Variants in PPP2R5C observed in about 807,000 individuals in gnomAD.
The protein encoded by PPP2R5C is protein phosphatase 2 regulatory subunit B'gamma.
Under a neutral mutation model 68.9 loss-of-function variants are expected in PPP2R5C, and 7 were observed. That is an observed-to-expected ratio of 0.10 (90% CI 0.06 to 0.19). The LOEUF (loss-of-function observed/expected upper bound fraction) is 0.19. PPP2R5C is among the 10% of genes least tolerant of loss of function. The probability of loss-of-function intolerance (pLI) is 1.00; values close to 1 mark genes in which losing one functional copy is unlikely to be tolerated. For synonymous variants in PPP2R5C, 210 were observed against 222.2 expected (o/e 0.95, Z 0.49); for missense variants, 348 against 641.3 (o/e 0.54, Z 4.94).
At chr14:101,824,301 C>G in intron 1 of PPP2R5C, 1 of 751,768 alleles carries the variant, frequency 1.3e-6, no homozygotes, top group South Asian at 1.9e-5. Context: ...GAGAGGTATT[C>G]ATCTGAAAAC....
intron 9 of PPP2R5C, among the ~76,000 whole-genome samples, chr14:101,905,411 C>T (rs996050548): frequency 1.3e-5 from 2 of 152,000 alleles, no homozygotes; most frequent in African/African-American, 2.4e-5. Flanking sequence ...GTAATCCCAG[C>T]ACTTTGGAAG....
chr14:101,842,019 T>A (rs1361939418), intron 1 of PPP2R5C, among the ~76,000 whole-genome samples: 1 of 152,086 alleles, frequency 6.6e-6, no homozygotes, highest in Non-Finnish European at 1.5e-5. Context: ...TCGTTATACC[T>A]GCAGGTTCCC....
rs34641396 is a variant in PPP2R5C, at chr14:101,919,969, CAAAAAAAAA to C, written c.1443+2037_1443+2045del. ...GGGCAAGAAAAGCAAAACTCCGTCTCAAAAAAAAAAAAAAAAAAAAAAACCAATTCTTAC... is the reference window on the plus strand; with the variant it reads ...GGGCAAGAAAAGCAAAACTCCGTCTCAAAAAAAAAAAAAACCAATTCTTAC... On this transcript the variant is annotated intron_variant, in intron 13 of 13. Coordinates refer to ENST00000334743, the Ensembl canonical transcript of PPP2R5C. Among the ~76,000 whole-genome samples the C allele has an allele frequency of 4.3e-3, 230 of 52,890 alleles. 4 individuals carry two copies. Among genetic ancestry groups the C allele is most frequent in the African/African-American group, 0.02 (223 of 11,182 alleles). The allele number at this position is 52,890 out of a possible 152,430, so 34.7% of individuals were successfully genotyped here.
At chr14:101,785,715 A>G (rs978781926) in intron 2 of PPP2R5C, among the ~76,000 whole-genome samples, 2 of 152,226 alleles carry the variant, frequency 1.3e-5, no homozygotes, top group Admixed American at 6.5e-5. Flanking sequence ...TCCAGGAATT[A>G]GGATGTGGAC....
intron 2 of PPP2R5C, among the ~76,000 whole-genome samples, chr14:101,774,404 G>A (rs2037310443): frequency 6.6e-6 from 1 of 152,232 alleles, no homozygotes. Context: ...GTTCTGCAGA[G>A]AAGGTGTGTG....
At chr14:101,777,557 C>A (rs2037487288) in intron 2 of PPP2R5C, among the ~76,000 whole-genome samples, 1 of 152,084 alleles carries the variant, frequency 6.6e-6, no homozygotes, top group Admixed American at 6.5e-5. Flanking sequence ...ACCATGTTGG[C>A]CAGGCTGGTC....
intron 3 of PPP2R5C, among the ~76,000 whole-genome samples, chr14:101,801,710 C>T (rs2038867886): frequency 6.6e-6 from 1 of 152,226 alleles, no homozygotes; most frequent in Non-Finnish European, 1.5e-5. Context: ...AATGGAAAAA[C>T]ATCTCTCGTT....
At position 101,781,237 on chromosome 14, in the gene PPP2R5C, C is replaced by T. The variant is rs1484423102; in HGVS notation, c.94-4781C>T. 2.6e-5 allele frequency among the ~76,000 whole-genome samples: 4 copies of T among 152,194 alleles called. No individual in the cohort carries two copies. The highest frequency in any genetic ancestry group is 5.9e-5 in the Non-Finnish European group (4 of 68,026). ...CAGCGGTGTTGGTGGTGTCTGGTGC[C>T]CAGGAGGAGGGCTTGTTTACAGCTG... is the stretch of plus-strand genomic sequence containing the variant. On this transcript the variant is annotated intron_variant, in intron 2 of 14. Coordinates refer to the PPP2R5C transcript ENST00000328724. The surrounding 1 kb of genome is among the most constrained non-coding windows in gnomAD (Gnocchi z 6.4).
intron 2 of PPP2R5C, 73 bp downstream of exon 4, chr14:101,856,958 T>A: frequency 7.1e-7 from 1 of 1,402,050 alleles, no homozygotes; most frequent in Non-Finnish European, 1.0e-6. Context: ...TCTCTGAGCC[T>A]AACACAGTGC....
intron 1 of PPP2R5C, chr14:101,821,200 GC>G (rs2040030973): frequency 6.6e-6 from 1 of 152,088 alleles, no homozygotes; most frequent in African/African-American, 2.4e-5. Flanking sequence ...CTAACCCTGA[GC>G]CTTCCTCTTG....
upstream of PPP2R5C, among the ~76,000 whole-genome samples, chr14:101,760,941 AGGAGGGGAGGGGACGGGCTGGTCGAGG>A (rs1349006988): frequency 7.1e-5 from 5 of 70,774 alleles, no homozygotes; most frequent in East Asian, 1.1e-3. Flanking sequence ...CCGAGGGAAG[AGGAGGGGAGGGGACGGGCTGGTCGAGG>A]GGAGGGGAGG....
chr14:101,855,963 T>A (rs1428082049), intron 1 of PPP2R5C, among the ~76,000 whole-genome samples: 1 of 152,242 alleles, frequency 6.6e-6, no homozygotes, highest in Non-Finnish European at 1.5e-5. Context: ...TAAGTAATAG[T>A]TACCGTTATT....
In PPP2R5C at chr14:101,797,684, AC is replaced by A. The variant is rs1031586593; in HGVS notation, c.259+11502del. The A allele has an allele frequency of 2.2e-5, 4 of 179,372 alleles. No individual in the cohort carries two copies. Among genetic ancestry groups the A allele is most frequent in the African/African-American group, 4.7e-5 (2 of 42,280 alleles). 11.1% of individuals were successfully genotyped at this position (179,372 alleles called of 1,614,324 possible). On this transcript the variant is annotated intron_variant, in intron 3 of 14. Transcript: ENST00000328724. The surrounding 1 kb of genome is among the most constrained non-coding windows in gnomAD (Gnocchi z 4.2). ...GCAAGTTGGCAAGTTAAAAAAAAAA[AC>A]AATCAGCATGAAAGCACTCCGATGT...
At chr14:101,926,965 A>G (rs1200056034) in exon 14 of PPP2R5C, 1 of 152,168 alleles carries the variant, frequency 6.6e-6, no homozygotes, top group Non-Finnish European at 1.5e-5. Flanking sequence ...GAGAAACTTG[A>G]CAAGTATCTC....
exon 14 of PPP2R5C, chr14:101,927,484 T>A (rs1319790606): frequency 1.3e-5 from 2 of 152,654 alleles, no homozygotes; most frequent in African/African-American, 2.4e-5. Context: ...TCAAAAGTAC[T>A]ACATTGAAAA....
chr14:101,883,246 T>C lies in PPP2R5C; in HGVS notation c.406-11T>C, dbSNP rs780782123. ...TCATGTTATTTGACTCATTGTTTTT[T>C]TTCCTCCTAGCTTGTTTATGAATTT... On this transcript the variant is annotated splice_polypyrimidine_tract_variant and intron_variant, in intron 3 of 13. Transcript: ENST00000334743. The C allele has an allele frequency of 2.7e-6, 4 of 1,507,124 alleles. No individual in the cohort carries two copies. In the South Asian group the frequency reaches 4.8e-5, roughly 18 times the overall value. 93.4% of individuals were successfully genotyped at this position (1,507,124 alleles called of 1,614,324 possible).
At chr14:101,833,608 T>C (rs1231708182) in intron 1 of PPP2R5C, 2 of 152,234 alleles carry the variant, frequency 1.3e-5, no homozygotes, top group African/African-American at 4.8e-5. Context: ...ATGCATTTCA[T>C]TGAGAGGACA....
chr14:101,919,471 A>AT (rs1324443912), intron 13 of PPP2R5C, among the ~76,000 whole-genome samples: 5 of 151,372 alleles, frequency 3.3e-5, no homozygotes, highest in Non-Finnish European at 5.9e-5. Flanking sequence ...TCTTCTTGAT[A>AT]TTTTTTTTTA....
chr14:101,765,299 G>C (rs1432720070), intron 2 of PPP2R5C: 3 of 701,346 alleles, frequency 4.3e-6, no homozygotes, highest in Non-Finnish European at 7.8e-6. Context: ...TGTGTAAATT[G>C]TTTTTCAGGA....
Sources: gnomAD v4.1 joint callset for allele counts (sites outside exome capture counted in the v4.1 genomes callset) on GRCh38, gnomAD v4.1.1 for gene constraint, Gnocchi (gnomAD v3.1) non-coding constraint, MANE v1.5 for transcripts, NCBI Gene and HGNC (gene_info 2026-07-23, HGNC 2026-07-21) for gene names.